The following SND1 variants were observed in gnomAD, a reference collection of about 807,000 sequenced individuals.
SND1 encodes staphylococcal nuclease and tudor domain containing 1.
SND1 carries 38 observed loss-of-function variants against 121.7 expected under a neutral mutation model. That is an observed-to-expected ratio of 0.31 (90% confidence interval 0.24 to 0.41). The LOEUF (loss-of-function observed/expected upper bound fraction) is 0.41. Among genes scored for constraint, SND1 ranks in the 10% least tolerant of loss-of-function variants. The pLI is 1.00. For synonymous variants in SND1, 401 were observed against 447.4 expected (o/e 0.90, Z 1.31); for missense variants, 868 against 1,184.6 (o/e 0.73, Z 3.92).
intron 15 of SND1, among the ~76,000 whole-genome samples, chr7:127,975,108 T>C (rs1039837863): frequency 3.3e-5 from 5 of 152,212 alleles, no homozygotes; most frequent in Admixed American, 1.3e-4. Context: ...ACAATTTCTT[T>C]AATGATAAAA....
intron 16 of SND1, chr7:128,042,441 G>A (rs1792872232): frequency 6.6e-6 from 1 of 152,280 alleles, no homozygotes; most frequent in African/African-American, 2.4e-5. Flanking sequence ...ATTCAAGGTG[G>A]TGCCCGTGTA....
rs372248348 is a variant in SND1, at chr7:127,907,890, A to G, written c.1527+3071A>G. On this transcript the variant is annotated intron_variant, in intron 14 of 23. Transcript: ENST00000354725. ...TCAGAGTGCGTTAAAATGCTTTTGT[A>G]TGAAGACCTAGCAAATACAAGACCT... Among the ~76,000 whole-genome samples, 5 of 152,312 alleles carry G rather than the reference A, an allele frequency of 3.3e-5. No individual in the cohort carries two copies. In the East Asian group the frequency reaches 7.7e-4, roughly 24 times the overall value.
At chr7:128,050,296 G>C (rs1793023977) in intron 16 of SND1, among the ~76,000 whole-genome samples, 1 of 152,190 alleles carries the variant, frequency 6.6e-6, no homozygotes, top group Non-Finnish European at 1.5e-5. Flanking sequence ...GTCATTTGCA[G>C]ACAAATTGAG....
intron 10 of SND1, among the ~76,000 whole-genome samples, chr7:127,773,715 A>G (rs1797561005): frequency 6.6e-6 from 1 of 152,158 alleles, no homozygotes; most frequent in South Asian, 2.1e-4. Flanking sequence ...TGTGGGTTGA[A>G]TTGTGCCCTC....
intron 15 of SND1, among the ~76,000 whole-genome samples, chr7:127,957,351 G>A (rs1299435036): frequency 1.3e-5 from 2 of 152,148 alleles, no homozygotes; most frequent in African/African-American, 4.8e-5. Flanking sequence ...CCCTGTGTAC[G>A]CTATAGCCAG....
chr7:127,964,248 C>G (rs969889313), intron 15 of SND1, among the ~76,000 whole-genome samples: 1 of 151,362 alleles, frequency 6.6e-6, no homozygotes, highest in South Asian at 2.1e-4. Flanking sequence ...TGCAGAAGCT[C>G]TTGAGTTTAA....
intron 16 of SND1, among the ~76,000 whole-genome samples, chr7:128,064,568 A>G (rs896405582): frequency 6.6e-6 from 1 of 152,230 alleles, no homozygotes; most frequent in Non-Finnish European, 1.5e-5. Context: ...AACAGGTTTC[A>G]TAGTGAAGGT....
chr7:128,037,006 T>A (rs1792762847), intron 16 of SND1, among the ~76,000 whole-genome samples: 1 of 152,246 alleles, frequency 6.6e-6, no homozygotes, highest in African/African-American at 2.4e-5. Context: ...GTGAGATGGG[T>A]ACCATCAGAT....
intron 12 of SND1, among the ~76,000 whole-genome samples, chr7:127,847,546 T>TA (rs1799088158): frequency 6.6e-6 from 1 of 152,234 alleles, no homozygotes. Context: ...ACCTATTTGA[T>TA]ATCTTGTTGA....
At chr7:127,952,248 G>GATAAAC (rs1801478082) in intron 15 of SND1, among the ~76,000 whole-genome samples, 1 of 152,146 alleles carries the variant, frequency 6.6e-6, no homozygotes, top group Non-Finnish European at 1.5e-5. Context: ...TGCTTAGCAG[G>GATAAAC]TTTTGATCTT....
At chr7:127,931,354 T>G (rs1001665546) in intron 15 of SND1, among the ~76,000 whole-genome samples, 2 of 152,236 alleles carry the variant, frequency 1.3e-5, no homozygotes, top group South Asian at 4.1e-4. Flanking sequence ...GAAAGACCTC[T>G]GGATTTGACT....
intron 1 of SND1, among the ~76,000 whole-genome samples, chr7:127,674,868 A>T (rs1795589091): frequency 6.6e-6 from 1 of 152,074 alleles, no homozygotes; most frequent in African/African-American, 2.4e-5. Flanking sequence ...TTTAAAAATG[A>T]TCTCCAGTTT....
At position 127,947,803 on chromosome 7, in the gene SND1, A is replaced by T. The variant is rs28544971; in HGVS notation, c.1669+18474A>T. 6.7e-3 allele frequency among the ~76,000 whole-genome samples: 1,025 copies of T among 152,184 alleles called. 11 individuals carry two copies. The highest frequency in any genetic ancestry group is 0.023 in the African/African-American group (973 of 41,500). On this transcript the variant is annotated intron_variant, in intron 15 of 23. Transcript: ENST00000354725. Reference sequence around the variant, plus strand: ...TTGGTATGTGTCCTTGTCCTCATTGATTATGTCTCTTTTGCCCTCACTCAG... The same window carrying T: ...TTGGTATGTGTCCTTGTCCTCATTGTTTATGTCTCTTTTGCCCTCACTCAG...
Position 128,029,166 on chromosome 7 carries a change from G to A in SND1, c.1779+38110G>A. The A allele has an allele frequency of 1.2e-6, 2 of 1,614,116 alleles. No individual in the cohort carries two copies. Among genetic ancestry groups the A allele is most frequent in the Non-Finnish European group, 1.7e-6 (2 of 1,180,028 alleles). Reference sequence around the variant, plus strand: ...CACACGGGTAGTCTGAATGAGCACCGTGGTAGAGGTGGTATATGCCGGCTG... The same window carrying A: ...CACACGGGTAGTCTGAATGAGCACCATGGTAGAGGTGGTATATGCCGGCTG... On this transcript the variant is annotated intron_variant, in intron 16 of 23. Transcript: ENST00000354725. This position sits in a 1 kb window ranked among gnomAD's most constrained non-coding sequence, Gnocchi z 4.2.
chr7:128,069,862 C>G (rs1793377780), intron 16 of SND1, among the ~76,000 whole-genome samples: 1 of 152,186 alleles, frequency 6.6e-6, no homozygotes, highest in Admixed American at 6.5e-5. Context: ...AACCTCCATG[C>G]TGTACACTGC....
chr7:127,701,582 T>G (rs1167381432), intron 5 of SND1, among the ~76,000 whole-genome samples: 1 of 152,158 alleles, frequency 6.6e-6, no homozygotes, highest in Non-Finnish European at 1.5e-5. Flanking sequence ...TTTTGCACAT[T>G]GATTGTGTTC....
At chr7:128,039,520 G>A (rs1413044724) in intron 16 of SND1, among the ~76,000 whole-genome samples, 2 of 152,056 alleles carry the variant, frequency 1.3e-5, no homozygotes, top group Non-Finnish European at 2.9e-5. Flanking sequence ...AAATGAAGGA[G>A]AATCCTAGTG....
At chr7:127,691,652 G>T (rs191591122) in intron 2 of SND1, among the ~76,000 whole-genome samples, 3,680 of 151,888 alleles carry the variant, frequency 0.024, 74 homozygotes, top group Non-Finnish European at 0.038. Flanking sequence ...TCGCTTTGTC[G>T]CCCGGGCTGG....
chr7:127,793,249 G>A (rs1030406157), intron 10 of SND1, among the ~76,000 whole-genome samples: 2 of 152,336 alleles, frequency 1.3e-5, no homozygotes, highest in Middle Eastern at 3.4e-3. Context: ...GATAGAAACT[G>A]TCATAGGTTC....
Sources: allele counts gnomAD v4.1 joint callset (sites outside exome capture counted in the v4.1 genomes callset), GRCh38; gene constraint gnomAD v4.1.1; non-coding constraint Gnocchi (gnomAD v3.1); transcripts MANE v1.5; gene names NCBI Gene and HGNC (gene_info 2026-07-23, HGNC 2026-07-21).